SMARCC1: variants seen among roughly 807,000 people sequenced by gnomAD.
The protein encoded by SMARCC1 is SWI/SNF related BAF chromatin remodeling complex subunit C1.
A neutral mutation model predicts 147.4 loss-of-function variants in SMARCC1; 43 were observed. That is an observed-to-expected ratio of 0.29 (90% CI 0.23 to 0.38). The LOEUF (loss-of-function observed/expected upper bound fraction) is 0.38, where lower values mean the gene tolerates loss of function less well. Among genes scored for constraint, SMARCC1 ranks in the 10% least tolerant of loss-of-function variants. The pLI is 1.00. For missense variants in SMARCC1, 1,119 were observed against 1,381.1 expected, an observed-to-expected ratio of 0.81 and a Z score of 3.01; for synonymous variants, 495 against 484.4, an observed-to-expected ratio of 1.02 and a Z score of -0.29.
At chr3:47,704,479 C>T (rs1397934178) in intron 10 of SMARCC1, among the ~76,000 whole-genome samples, 2 of 152,054 alleles carry the variant, frequency 1.3e-5, no homozygotes, top group African/African-American at 2.4e-5. Flanking sequence ...GAGCCTCATG[C>T]CTCCTAGAGA....
At chr3:47,682,071 CT>C (rs879416766) in intron 14 of SMARCC1, among the ~76,000 whole-genome samples, 68 of 146,440 alleles carry the variant, frequency 4.6e-4, no homozygotes, top group South Asian at 6.4e-4. Context: ...CACACACACA[CT>C]TTTTTTTTTT....
intron 26 of SMARCC1, among the ~76,000 whole-genome samples, chr3:47,594,109 G>A (rs1011652659): frequency 2.7e-5 from 4 of 150,078 alleles, no homozygotes; most frequent in Admixed American, 2.0e-4. Context: ...AGGTTGCAGT[G>A]AGCCAAGATT....
intron 3 of SMARCC1, among the ~76,000 whole-genome samples, chr3:47,744,095 AG>A (rs1188995851): frequency 3.3e-5 from 5 of 152,322 alleles, no homozygotes; most frequent in Non-Finnish European, 2.9e-5. Context: ...AGCTAGACAC[AG>A]AACTGGAAAA....
chr3:47,665,885 A>C (rs1020331160), intron 19 of SMARCC1, among the ~76,000 whole-genome samples: 2 of 148,074 alleles, frequency 1.4e-5, no homozygotes, highest in African/African-American at 2.5e-5. Context: ...CGGTCTTGCT[A>C]TGTTGCCCAA....
At chr3:47,702,041 A>T (rs1337423757) in intron 10 of SMARCC1, among the ~76,000 whole-genome samples, 1 of 152,148 alleles carries the variant, frequency 6.6e-6, no homozygotes, top group Non-Finnish European at 1.5e-5. Flanking sequence ...GATTATAAGC[A>T]ATCACATATG....
chr3:47,756,887 CAT>C (rs2034704689), intron 2 of SMARCC1, among the ~76,000 whole-genome samples: 1 of 152,068 alleles, frequency 6.6e-6, no homozygotes, highest in African/African-American at 2.4e-5. Flanking sequence ...AGAGTAAAAA[CAT>C]AAACTATTAA....
Position 47,635,185 on chromosome 3 carries a change from C to CA in SMARCC1, c.2646+4dup, listed in dbSNP as rs1559630885. On this transcript the variant is annotated splice_donor_region_variant and intron_variant, in intron 24 of 27. Coordinates refer to ENST00000254480, the MANE Select transcript of SMARCC1 (RefSeq NM_003074.4). ...AGCACTGGAAAAGGGCTGTCAGGGG[C>CA]AAACCTTGGCTTTGGTAGCCGCTGA... is the stretch of plus-strand genomic sequence containing the variant. The CA allele has an allele frequency of 6.2e-7, 1 of 1,613,312 alleles. No individual in the cohort carries two copies. The highest frequency in any genetic ancestry group is 8.5e-7 in the Non-Finnish European group (1 of 1,179,782).
intron 11 of SMARCC1, among the ~76,000 whole-genome samples, chr3:47,696,515 G>A (rs1431968609): frequency 6.6e-6 from 1 of 151,706 alleles, no homozygotes; most frequent in East Asian, 1.9e-4. Context: ...TAAAACAAGT[G>A]TGAATAATTT....
rs1576417503 is a variant in SMARCC1, at chr3:47,706,611, C to T, written c.919-81G>A. 3.8e-6 allele frequency: 5 copies of T among 1,307,720 alleles called. No homozygotes were observed. In the East Asian group the frequency reaches 1.5e-4, roughly 38 times the overall value. 81.0% of individuals were successfully genotyped at this position (1,307,720 alleles called of 1,614,324 possible). On this transcript the variant is annotated intron_variant, in intron 9 of 27. Coordinates refer to ENST00000254480, the MANE Select transcript of SMARCC1 (RefSeq NM_003074.4). ...AAATCCTTGGCAAAAGGTGAATCTCCACACACAAAGACAACAGCATATCCT... is the reference window on the plus strand; with the variant it reads ...AAATCCTTGGCAAAAGGTGAATCTCTACACACAAAGACAACAGCATATCCT...
chr3:47,781,678 G>A lies in SMARCC1; in HGVS notation c.120C>T (p.Thr40=). Residue 40 remains threonine, a synonymous_variant, in exon 1 of 28, where the codon ACC becomes ACT. Transcript: ENST00000254480. ...CCGTCTCCGGGCTCTCCCAAAACTTGGTGGCCGGGCCCCCATCCTTCCGTC... is the reference window on the plus strand; with the variant it reads ...CCGTCTCCGGGCTCTCCCAAAACTTAGTGGCCGGGCCCCCATCCTTCCGTC... ...VYRRKDGGPA[T]KFWESPETVS... is the part of the protein sequence containing the mutation. The A allele has an allele frequency of 6.4e-7, 1 of 1,560,436 alleles. No individual in the cohort carries two copies. The highest frequency in any genetic ancestry group is 8.6e-7 in the Non-Finnish European group (1 of 1,157,238).
chr3:47,731,174 C>T (rs1351954549), intron 5 of SMARCC1, among the ~76,000 whole-genome samples: 2 of 152,206 alleles, frequency 1.3e-5, no homozygotes, highest in Non-Finnish European at 2.9e-5. Flanking sequence ...CCTTTGTTCT[C>T]ATTTCAACGT....
In SMARCC1 at chr3:47,781,722, C is replaced by A. The variant is rs760287479; in HGVS notation, c.76G>T (p.Ala26Ser). The A allele has an allele frequency of 4.1e-5, 63 of 1,551,676 alleles. 1 individual carries two copies. The highest frequency in any genetic ancestry group is 4.6e-5 in the Non-Finnish European group (53 of 1,154,354). ...ATGSGIAAAA[A>S]GLAVYRRKDG... Reference sequence around the variant, plus strand: ...TTCCGTCGATAAACAGCTAGGCCTGCGGCTGCCGCCGCAATCCCCGAGCCC... The same window carrying A: ...TTCCGTCGATAAACAGCTAGGCCTGAGGCTGCCGCCGCAATCCCCGAGCCC... The change falls in exon 1 of 28, where the codon GCA becomes TCA. Residue 26 changes from alanine to serine, a missense_variant. Ala to Ser is a moderately conservative substitution (Grantham distance 99). This residue lies in a region of SMARCC1 where 542 missense variants were observed against 611.8 expected (regional missense o/e 0.89). Coordinates refer to ENST00000254480, the MANE Select transcript of SMARCC1 (RefSeq NM_003074.4).
At position 47,680,507 on chromosome 3, in the gene SMARCC1, T is replaced by A; in HGVS notation, c.1387A>T (p.Ile463Phe). 1 of 1,485,244 alleles carries A rather than the reference T, an allele frequency of 6.7e-7. No individual in the cohort carries two copies. The highest frequency in any genetic ancestry group is 9.3e-7 in the Non-Finnish European group (1 of 1,078,396). 92.0% of individuals were successfully genotyped at this position (1,485,244 alleles called of 1,614,324 possible). Residue 463 changes from isoleucine (I) to phenylalanine (F), a missense_variant and splice_region_variant, in exon 15 of 28, where the codon ATT becomes TTT. Ile to Phe is a conservative substitution (Grantham distance 21). Transcript: ENST00000254480. ...AGAGCACGCCGTTCAATCACATGAA[T>A]ACTGAAAAGAAGAAGAAAAAAAGAT... ...SYASWFDYNC[I>F]HVIERRALPE... is the part of the protein sequence containing the mutation.
At chr3:47,692,808 G>A (rs886684020) in intron 12 of SMARCC1, among the ~76,000 whole-genome samples, 1 of 152,108 alleles carries the variant, frequency 6.6e-6, no homozygotes, top group Non-Finnish European at 1.5e-5. Context: ...GGATCATGAG[G>A]TCAGGAGTTC....
chr3:47,598,096 C>T (rs2032320253), intron 26 of SMARCC1, among the ~76,000 whole-genome samples: 1 of 152,130 alleles, frequency 6.6e-6, no homozygotes, highest in African/African-American at 2.4e-5. Context: ...GTCCCAGCTC[C>T]CTTTTGGAAG....
chr3:47,680,053 A>AT (rs2106760879), intron 15 of SMARCC1, among the ~76,000 whole-genome samples: 1 of 152,122 alleles, frequency 6.6e-6, no homozygotes, highest in South Asian at 2.1e-4. Context: ...AAATAAACAG[A>AT]TAGATAGATA....
At chr3:47,676,113 C>T (rs1434955947) in intron 17 of SMARCC1, among the ~76,000 whole-genome samples, 1 of 152,124 alleles carries the variant, frequency 6.6e-6, no homozygotes, top group Non-Finnish European at 1.5e-5. Context: ...ATTTTCATTA[C>T]TATCTTCTAT....
chr3:47,729,111 C>A lies in SMARCC1; in HGVS notation c.577-17G>T. 1 of 1,562,656 alleles carries A rather than the reference C, an allele frequency of 6.4e-7. No individual in the cohort carries two copies. Among genetic ancestry groups the A allele is most frequent in the Non-Finnish European group, 8.8e-7 (1 of 1,136,356 alleles). ...AAATGTTCCCTGGAAAGCAAATGAA[C>A]AAAAACCACAAAAATAAAGCACATG... On this transcript the variant is annotated splice_polypyrimidine_tract_variant and intron_variant, in intron 5 of 27. Coordinates refer to ENST00000254480, the MANE Select transcript of SMARCC1 (RefSeq NM_003074.4).
chr3:47,678,975 C>A (rs2033606030), intron 15 of SMARCC1, among the ~76,000 whole-genome samples: 1 of 151,948 alleles, frequency 6.6e-6, no homozygotes, highest in East Asian at 1.9e-4. Context: ...CACGGCGGGG[C>A]AATAAGTAGA....
Sources: allele counts gnomAD v4.1 joint callset (sites outside exome capture counted in the v4.1 genomes callset), GRCh38; gene constraint gnomAD v4.1.1; regional missense constraint gnomAD v4.1.1; transcripts MANE v1.5; gene names NCBI Gene and HGNC (gene_info 2026-07-23, HGNC 2026-07-21).